The following NAA11 variants were observed in gnomAD, a reference collection of about 807,000 sequenced individuals.
The protein encoded by NAA11 is N-alpha-acetyltransferase 11, NatA catalytic subunit, also known as N-alpha-acetyltransferase 11.
A neutral mutation model predicts 16.1 loss-of-function variants in NAA11; 15 were observed. That is an observed-to-expected ratio of 0.93 (90% CI 0.62 to 1.44). NAA11 has a LOEUF of 1.44. NAA11 is among the 40% of genes most tolerant of loss of function. The pLI, the probability that NAA11 is intolerant of heterozygous loss-of-function variation, is 0.00. For missense variants in NAA11, 298 were observed against 291.3 expected, an observed-to-expected ratio of 1.02 and a Z score of -0.17; for synonymous variants, 122 against 112.4, an observed-to-expected ratio of 1.09 and a Z score of -0.54.
At chr4:79,292,093 A>G (rs547495646) in intron 2 of NAA11, among the ~76,000 whole-genome samples, 1 of 152,278 alleles carries the variant, frequency 6.6e-6, no homozygotes, top group African/African-American at 2.4e-5. Context: ...CCGCTCCAAT[A>G]AATATTTTAG....
intron 1 of NAA11, among the ~76,000 whole-genome samples, chr4:79,304,744 A>G (rs1370846893): frequency 6.6e-6 from 1 of 152,126 alleles, no homozygotes; most frequent in African/African-American, 2.4e-5. Flanking sequence ...ATTAAACCCA[A>G]TGAAACACTT....
chr4:79,210,032 C>A, the NAA11 span, among the ~76,000 whole-genome samples: 1 of 152,134 alleles, frequency 6.6e-6, no homozygotes, highest in East Asian at 1.9e-4. Context: ...GGTGACAGAA[C>A]AAGACTTGTT....
chr4:79,216,815 T>C, the NAA11 span, among the ~76,000 whole-genome samples: 9 of 152,090 alleles, frequency 5.9e-5, no homozygotes, highest in African/African-American at 2.2e-4. Context: ...TAAAATTGAG[T>C]ATATGCCCAA....
intron 2 of NAA11, among the ~76,000 whole-genome samples, chr4:79,246,783 T>C (rs549337690): frequency 6.6e-6 from 1 of 152,252 alleles, no homozygotes; most frequent in African/African-American, 2.4e-5. Flanking sequence ...GGAGTGGAAC[T>C]AAATCCACTG....
intron 2 of NAA11, chr4:79,227,636 C>T (rs1721349777): frequency 6.6e-6 from 1 of 152,006 alleles, no homozygotes; most frequent in Admixed American, 6.6e-5. Flanking sequence ...TCCAACTCTT[C>T]AGTGTCCCTA....
At chr4:79,265,625 C>T (rs1218036540) in intron 2 of NAA11, among the ~76,000 whole-genome samples, 2 of 152,180 alleles carry the variant, frequency 1.3e-5, no homozygotes, top group Non-Finnish European at 2.9e-5. Context: ...AATTCTTTCT[C>T]CAGTTAAATG....
At chr4:79,171,012 A>G in the NAA11 span, among the ~76,000 whole-genome samples, 1 of 152,128 alleles carries the variant, frequency 6.6e-6, no homozygotes, top group South Asian at 2.1e-4. Flanking sequence ...CAGTTAATAT[A>G]TATTTGTTAT....
the NAA11 span, among the ~76,000 whole-genome samples, chr4:79,158,492 C>A: frequency 6.6e-6 from 1 of 151,940 alleles, no homozygotes; most frequent in Non-Finnish European, 1.5e-5. Flanking sequence ...ACATCCCATG[C>A]TCATGGATGG....
At chr4:79,156,498 C>G in the NAA11 span, among the ~76,000 whole-genome samples, 8 of 152,144 alleles carry the variant, frequency 5.3e-5, no homozygotes, top group African/African-American at 1.9e-4. Context: ...CATGCTGTGT[C>G]TACAGGCACA....
the NAA11 span, among the ~76,000 whole-genome samples, chr4:79,181,821 A>T: frequency 3.9e-5 from 6 of 152,204 alleles, no homozygotes; most frequent in African/African-American, 1.4e-4. Context: ...GGCCACTTCC[A>T]TCTGTGGATC....
chr4:79,167,270 T>G, the NAA11 span, among the ~76,000 whole-genome samples: 31,772 of 98,076 alleles, frequency 0.32, 6,077 homozygotes, highest in East Asian at 0.46. Context: ...TATATATATA[T>G]AGAGAGAGAG....
chr4:79,174,524 C>T, the NAA11 span, among the ~76,000 whole-genome samples: 1 of 152,058 alleles, frequency 6.6e-6, no homozygotes, highest in Non-Finnish European at 1.5e-5. Context: ...TTACAATTTA[C>T]TGGCCATTGC....
intron 2 of NAA11, among the ~76,000 whole-genome samples, chr4:79,255,732 G>A (rs191890865): frequency 2.6e-5 from 4 of 152,340 alleles, no homozygotes; most frequent in Admixed American, 2.6e-4. Context: ...CAAGTTAGAG[G>A]TGGAAGAAAG....
At chr4:79,313,221 G>A (rs933880379), downstream of NAA11, among the ~76,000 whole-genome samples, 6 of 151,870 alleles carry the variant, frequency 4.0e-5, no homozygotes, top group African/African-American at 1.5e-4. Context: ...AAGTAAAAAT[G>A]TTTACAGTAA....
chr4:79,193,192 G>A, the NAA11 span, among the ~76,000 whole-genome samples: 6 of 152,008 alleles, frequency 3.9e-5, no homozygotes, highest in Non-Finnish European at 8.8e-5. Flanking sequence ...CACTCTGATG[G>A]TAGTTTCTTT....
chr4:79,200,976 T>G, the NAA11 span, among the ~76,000 whole-genome samples: 2 of 151,690 alleles, frequency 1.3e-5, no homozygotes, highest in Admixed American at 1.3e-4. Context: ...TTTTTATGTA[T>G]GTATATACAA....
Position 79,294,071 on chromosome 4 carries a change from C to T in NAA11, c.*56G>A, listed in dbSNP as rs77563532. 3.3e-3 allele frequency: 506 copies of T among 152,484 alleles called. 1 individual carries two copies. Among genetic ancestry groups the T allele is most frequent in the Admixed American group, 8.0e-3 (122 of 15,310 alleles). 9.4% of individuals were successfully genotyped at this position (152,484 alleles called of 1,614,324 possible). On this transcript the variant is annotated 3_prime_UTR_variant and NMD_transcript_variant, in exon 2 of 3. Transcript: ENST00000511542. ...CAGATGTCACCACCTTGATATTGAA[C>T]TTCCTGGCCTCCATTAAGTGTAAAT...
At chr4:79,193,814 C>T in the NAA11 span, among the ~76,000 whole-genome samples, 7 of 152,072 alleles carry the variant, frequency 4.6e-5, no homozygotes, top group East Asian at 5.8e-4. Flanking sequence ...AATTACCTTG[C>T]GCAGTATGGC....
At chr4:79,186,043 G>A in the NAA11 span, among the ~76,000 whole-genome samples, 3 of 152,166 alleles carry the variant, frequency 2.0e-5, no homozygotes, top group East Asian at 5.8e-4. Flanking sequence ...ACATGTATGT[G>A]TTTCTGGGGT....
Sources: allele counts gnomAD v4.1 joint callset (sites outside exome capture counted in the v4.1 genomes callset), GRCh38; gene constraint gnomAD v4.1.1; transcripts MANE v1.5; gene names NCBI Gene and HGNC (gene_info 2026-07-23, HGNC 2026-07-21).